ZNF783: variants seen among roughly 807,000 people sequenced by gnomAD.
The protein encoded by ZNF783 is zinc finger protein 783, also known as protein ZNF783.
A neutral mutation model predicts 31.3 loss-of-function variants in ZNF783; 25 were observed. The ratio of observed to expected loss-of-function variants is 0.80; its 90% CI spans 0.58 to 1.11. ZNF783 has a LOEUF of 1.11. ZNF783 is among the 50% of genes most tolerant of loss of function. The pLI is 0.00. For missense variants in ZNF783, 797 were observed against 760.0 expected, an observed-to-expected ratio of 1.05 and a Z score of -0.57; for synonymous variants, 369 against 319.1, an observed-to-expected ratio of 1.16 and a Z score of -1.66.
chr7:149,267,256 G>A lies in ZNF783; in HGVS notation c.673+34G>A, dbSNP rs745959465. On this transcript the variant is annotated intron_variant, in intron 4 of 5. Coordinates refer to ENST00000434415, the MANE Select transcript of ZNF783 (RefSeq NM_001195220.2). Reference sequence around the variant, plus strand: ...AGGAGCCAGATGTGGTTGGGGGGCCGCCAGGGGCTAGCTGCACCATCGCCT... The same window carrying A: ...AGGAGCCAGATGTGGTTGGGGGGCCACCAGGGGCTAGCTGCACCATCGCCT... 5.2e-6 allele frequency: 8 copies of A among 1,550,222 alleles called. 1 individual carries two copies. The highest frequency in any genetic ancestry group is 3.8e-5 in the Admixed American group (2 of 52,348).
chr7:149,267,772 G>C (rs1797116854), intron 4 of ZNF783, among the ~76,000 whole-genome samples: 1 of 152,084 alleles, frequency 6.6e-6, no homozygotes, highest in Non-Finnish European at 1.5e-5. Flanking sequence ...ACTCCAGCCT[G>C]GGTGACGGAG....
rs1477641158 is a variant in ZNF783, at chr7:149,275,343, C to T, written c.674-3056C>T. On this transcript the variant is annotated intron_variant, in intron 4 of 5. Transcript: ENST00000434415. ...TTTTTTTTTTTTTTAGACGGAGTTT[C>T]GCTCTGTTGCCTAGGCTGGAGTGCA... Among the ~76,000 whole-genome samples, 61 of 148,834 alleles carry T rather than the reference C, an allele frequency of 4.1e-4. 1 individual carries two copies. The East Asian group carries it at 0.011, about 26-fold the overall frequency.
chr7:149,278,754 G>A (rs1032789171), intron 5 of ZNF783, among the ~76,000 whole-genome samples: 2 of 152,148 alleles, frequency 1.3e-5, no homozygotes, highest in Non-Finnish European at 2.9e-5. Context: ...TGTATAGAGG[G>A]GTGGGTTCCT....
At chr7:149,279,866 T>C (rs1397247994) in intron 5 of ZNF783, among the ~76,000 whole-genome samples, 79 of 152,004 alleles carry the variant, frequency 5.2e-4, no homozygotes, top group Non-Finnish European at 1.0e-3. Context: ...CCATGTCTAC[T>C]TCTTTCTACA....
At chr7:149,267,984 C>T (rs144972896) in intron 4 of ZNF783, among the ~76,000 whole-genome samples, 15 of 152,266 alleles carry the variant, frequency 9.9e-5, no homozygotes, top group African/African-American at 3.6e-4. Flanking sequence ...GGTAGGAGGG[C>T]CAGGCATGCC....
rs1322264614 is a variant in ZNF783, at chr7:149,283,218, A to G, written c.*875A>G. Reference sequence around the variant, plus strand: ...ACTCCTGATGTTAGGTGACCCGCACACCTCGGCCTCCTGAAGTGCTGGGAT... The same window carrying G: ...ACTCCTGATGTTAGGTGACCCGCACGCCTCGGCCTCCTGAAGTGCTGGGAT... On this transcript the variant is annotated 3_prime_UTR_variant, in exon 6 of 6. Transcript: ENST00000434415. 6.6e-6 allele frequency: 1 copy of G among 151,244 alleles called. No homozygotes were observed. Among genetic ancestry groups the G allele is most frequent in the Non-Finnish European group, 1.5e-5 (1 of 67,910 alleles). 9.4% of individuals were successfully genotyped at this position (151,244 alleles called of 1,614,324 possible). A position where few individuals can be genotyped will look rare whatever the true frequency, so the allele number is the denominator to read the frequency against.
intron 4 of ZNF783, among the ~76,000 whole-genome samples, chr7:149,270,010 T>C (rs1042508914): frequency 6.6e-6 from 1 of 152,216 alleles, no homozygotes; most frequent in Non-Finnish European, 1.5e-5. Flanking sequence ...TCATCATTTT[T>C]TATGGCTGCA....
chr7:149,281,846 C>CGCTCGCCCACCAGCT lies in ZNF783; in HGVS notation c.1147_1161dup (p.Ser383_Cys387dup), dbSNP rs1307774493. On this transcript the variant is annotated inframe_insertion, in exon 6 of 6. Coordinates refer to ENST00000434415, the MANE Select transcript of ZNF783 (RefSeq NM_001195220.2). Reference sequence around the variant, plus strand: ...GGAGGGGCGGCAGGAGGCCCCCGGCCGCTCGCCCACCAGCTGCGGGGACAG... The same window carrying CGCTCGCCCACCAGCT: ...GGAGGGGCGGCAGGAGGCCCCCGGCCGCTCGCCCACCAGCTGCTCGCCCACCAGCTGCGGGGACAG... 1.3e-6 allele frequency: 2 copies of CGCTCGCCCACCAGCT among 1,496,402 alleles called. No individual in the cohort carries two copies. Among genetic ancestry groups the CGCTCGCCCACCAGCT allele is most frequent in the African/African-American group, 2.8e-5 (2 of 70,832 alleles). The allele number at this position is 1,496,402 out of a possible 1,614,324, so 92.7% of individuals were successfully genotyped here.
chr7:149,275,325 T>C (rs912024593), intron 4 of ZNF783, among the ~76,000 whole-genome samples: 9 of 149,918 alleles, frequency 6.0e-5, no homozygotes, highest in Non-Finnish European at 1.2e-4. Context: ...TTCTTTTTTT[T>C]TTTTTTAGAC....
chr7:149,262,408 G>C, intron 1 of ZNF783, 51 bp downstream of exon 1: 26 of 1,205,182 alleles, frequency 2.2e-5, no homozygotes, highest in Non-Finnish European at 2.6e-5. Flanking sequence ...CCGCCGCCGC[G>C]TGAGCCCGCG....
intron 4 of ZNF783, among the ~76,000 whole-genome samples, chr7:149,275,103 C>T (rs1367980670): frequency 6.6e-6 from 1 of 152,050 alleles, no homozygotes; most frequent in Non-Finnish European, 1.5e-5. Context: ...TCATTCTAGA[C>T]ATCTTTTACT....
chr7:149,263,868 T>G (rs994482696), intron 1 of ZNF783, among the ~76,000 whole-genome samples: 9 of 152,320 alleles, frequency 5.9e-5, no homozygotes, highest in Admixed American at 1.3e-4. Context: ...GTGCTGAGCT[T>G]CTTTTTGGGT....
At position 149,282,420 on chromosome 7, in the gene ZNF783, T is replaced by A; in HGVS notation, c.*77T>A. ...ACGCAGGTTCTTCCTTTTCCTGGGA[T>A]GGAGAGAGGTTTGTTGTTTTTACCC... On this transcript the variant is annotated 3_prime_UTR_variant, in exon 6 of 6. Coordinates refer to ENST00000434415, the MANE Select transcript of ZNF783 (RefSeq NM_001195220.2). 8.0e-7 allele frequency: 1 copy of A among 1,251,752 alleles called. No homozygotes were observed. The highest frequency in any genetic ancestry group is 1.1e-6 in the Non-Finnish European group (1 of 936,016). 77.5% of individuals were successfully genotyped at this position (1,251,752 alleles called of 1,614,324 possible).
rs1413185658 is a variant in ZNF783, at chr7:149,263,321, TATA to T, written c.24+965_24+967del. On this transcript the variant is annotated intron_variant, in intron 1 of 5. Transcript: ENST00000434415. Reference sequence around the variant, plus strand: ...GTGTGTGTGTATATATATATATATATATATTTTTTTTTTAGACACAGTCTCACT... The same window carrying T: ...GTGTGTGTGTATATATATATATATATTTTTTTTTTTAGACACAGTCTCACT... 1.2e-3 allele frequency among the ~76,000 whole-genome samples: 154 copies of T among 124,236 alleles called. 1 individual carries two copies. The highest frequency in any genetic ancestry group is 1.9e-3 in the African/African-American group (61 of 32,892). 81.5% of individuals were successfully genotyped at this position (124,236 alleles called of 152,430 possible). A position where few individuals can be genotyped will look rare whatever the true frequency, so the allele number is the denominator to read the frequency against.
rs6965385 is a variant in ZNF783 at position 149,274,132 on chromosome 7, G to A, written c.674-4267G>A. Among the ~76,000 whole-genome samples the A allele has an allele frequency of 2.1e-3, 317 of 152,210 alleles. 2 individuals are homozygous for A. Among genetic ancestry groups the A allele is most frequent in the African/African-American group, 7.2e-3 (300 of 41,528 alleles). ...TTGTCTGTGCTTTAGGGTAGTACTC[G>A]AATCTTTGCCCAGAACAATGTCCTG... On this transcript the variant is annotated intron_variant, in intron 4 of 5. Transcript: ENST00000434415.
rs573965359 is a variant in ZNF783 at position 149,268,106 on chromosome 7, C to T, written c.673+884C>T. Among the ~76,000 whole-genome samples the T allele has an allele frequency of 4.6e-5, 7 of 152,292 alleles. No homozygotes were observed. In the East Asian group the frequency reaches 5.8e-4, roughly 13 times the overall value. On this transcript the variant is annotated intron_variant, in intron 4 of 5. Coordinates refer to ENST00000434415, the MANE Select transcript of ZNF783 (RefSeq NM_001195220.2). Reference sequence around the variant, plus strand: ...ATTTTAATAAAGTAGAATAGCACAGCGAATCTCCAAATGATCGTCACCAAA... The same window carrying T: ...ATTTTAATAAAGTAGAATAGCACAGTGAATCTCCAAATGATCGTCACCAAA...
At chr7:149,279,632 GTTTTTTTTTTTTT>G (rs764203926) in intron 5 of ZNF783, among the ~76,000 whole-genome samples, 2 of 100,326 alleles carry the variant, frequency 2.0e-5, no homozygotes, top group Middle Eastern at 6.2e-3. Flanking sequence ...TTTTATCTTT[GTTTTTTTTTTTTT>G]TTTTTTTTTA....
At position 149,267,097 on chromosome 7, in the gene ZNF783, A is replaced by G; in HGVS notation, c.548A>G (p.Asp183Gly). 2 of 1,601,060 alleles carry G rather than the reference A, an allele frequency of 1.2e-6. No homozygotes were observed. Among genetic ancestry groups the G allele is most frequent in the South Asian group, 2.2e-5 (2 of 91,076 alleles). The stretch of plus-strand genomic sequence containing the variant: ...TCCTCATTTCTTGTTCTGTGCACAG[A>G]TTATGCAATCTCCAAACCAGACATC... ...RGNYETLVSLDYAISKPDILT... is the reference protein window; with the variant it reads ...RGNYETLVSLGYAISKPDILT... Residue 183 changes from aspartate to glycine, a missense_variant and splice_region_variant, in exon 4 of 6, where the codon GAT (aspartate) becomes GGT (glycine). By Grantham distance (94) the Asp-to-Gly change is moderately conservative. Coordinates refer to ENST00000434415, the MANE Select transcript of ZNF783 (RefSeq NM_001195220.2).
rs1212507548 is a variant in ZNF783, at chr7:149,282,783, C to T, written c.*440C>T. The T allele has an allele frequency of 6.1e-6, 1 of 164,276 alleles. No homozygotes were observed. Among genetic ancestry groups the T allele is most frequent in the African/African-American group, 2.4e-5 (1 of 41,922 alleles). 10.2% of individuals were successfully genotyped at this position (164,276 alleles called of 1,614,324 possible). ...AGAAAGGGCCCTGGAAAGTTTTCTA[C>T]TTTGCTATTTTGAAATTTTTTTCCC... On this transcript the variant is annotated 3_prime_UTR_variant, in exon 6 of 6. Transcript: ENST00000434415.
Sources: gnomAD v4.1 joint callset for allele counts (sites outside exome capture counted in the v4.1 genomes callset) on GRCh38, gnomAD v4.1.1 for gene constraint, MANE v1.5 for transcripts, NCBI Gene and HGNC (gene_info 2026-07-23, HGNC 2026-07-21) for gene names.